Variants in RAB3C observed in about 807,000 individuals in gnomAD.
RAB3C encodes the protein RAB3C, member RAS oncogene family.
RAB3C carries 17 observed loss-of-function variants against 26.4 expected under a neutral mutation model. The observed-to-expected ratio is 0.64, with a 90% confidence interval of 0.44 to 0.97. The LOEUF (loss-of-function observed/expected upper bound fraction) is 0.97, where lower values mean the gene tolerates loss of function less well. RAB3C is among the 50% of genes least tolerant of loss of function. The probability of loss-of-function intolerance (pLI) is 0.00; values close to 1 mark genes in which losing one functional copy is unlikely to be tolerated. For synonymous variants in RAB3C, 91 were observed against 95.9 expected, an observed-to-expected ratio of 0.95 and a Z score of 0.30; for missense variants, 242 against 281.9, an observed-to-expected ratio of 0.86 and a Z score of 1.01.
chr5:58,765,619 G>A (rs939596069), intron 3 of RAB3C, among the ~76,000 whole-genome samples: 2 of 152,120 alleles, frequency 1.3e-5, no homozygotes, highest in African/African-American at 4.8e-5. Flanking sequence ...ATATTGTTAT[G>A]AAAGTTATAT....
Position 58,583,107 on chromosome 5 carries a change from A to G in RAB3C, c.-102A>G, listed in dbSNP as rs1198555619. 1 of 1,592,204 alleles carries G rather than the reference A, an allele frequency of 6.3e-7. No individual in the cohort carries two copies. Among genetic ancestry groups the G allele is most frequent in the African/African-American group, 1.3e-5 (1 of 74,446 alleles). ...ATGTTGGAGCCGGTTAGCGAACCCC[A>G]AGAGTGCAGAGTGTGGAGCGTGGAG... On this transcript the variant is annotated 5_prime_UTR_variant, in exon 1 of 5. Transcript: ENST00000282878.
At chr5:58,758,461 T>C (rs1388641995) in intron 3 of RAB3C, among the ~76,000 whole-genome samples, 1 of 152,180 alleles carries the variant, frequency 6.6e-6, no homozygotes, top group Non-Finnish European at 1.5e-5. Context: ...TTATGTGTTA[T>C]GTACAGAGAT....
At chr5:58,777,360 G>A (rs1445171658) in intron 3 of RAB3C, among the ~76,000 whole-genome samples, 1 of 152,116 alleles carries the variant, frequency 6.6e-6, no homozygotes, top group Non-Finnish European at 1.5e-5. Flanking sequence ...GTGTATGCCA[G>A]GGTGTTCTGT....
intron 4 of RAB3C, among the ~76,000 whole-genome samples, chr5:58,825,614 T>A (rs767710418): frequency 6.6e-5 from 10 of 152,230 alleles, no homozygotes; most frequent in Non-Finnish European, 1.0e-4. Flanking sequence ...GCCATGTTAC[T>A]GTTACAAATC....
At chr5:58,820,177 A>G (rs1482467558) in intron 3 of RAB3C, among the ~76,000 whole-genome samples, 1 of 151,798 alleles carries the variant, frequency 6.6e-6, no homozygotes, top group African/African-American at 2.4e-5. Context: ...CAGATCTTGT[A>G]TGTTAACCTA....
intron 3 of RAB3C, among the ~76,000 whole-genome samples, chr5:58,739,027 G>C (rs172398): frequency 6.6e-6 from 1 of 151,918 alleles, no homozygotes; most frequent in Non-Finnish European, 1.5e-5. Flanking sequence ...GGGTTTTGGT[G>C]GGCATTATAA....
At chr5:58,786,214 A>G (rs1488263943) in intron 3 of RAB3C, among the ~76,000 whole-genome samples, 1 of 152,244 alleles carries the variant, frequency 6.6e-6, no homozygotes, top group African/African-American at 2.4e-5. Flanking sequence ...TTCATTGTTC[A>G]TTAAGCCAGT....
intron 2 of RAB3C, among the ~76,000 whole-genome samples, chr5:58,628,138 C>T (rs951877145): frequency 1.1e-5 from 1 of 87,768 alleles, no homozygotes; most frequent in African/African-American, 4.7e-5. Context: ...GCCTGGGCGA[C>T]AAGGCAAGAC....
At chr5:58,693,353 T>TATATATATATAC (rs911414778) in intron 2 of RAB3C, among the ~76,000 whole-genome samples, 2 of 142,292 alleles carry the variant, frequency 1.4e-5, no homozygotes, top group African/African-American at 5.4e-5. Context: ...TATATATATA[T>TATATATATATAC]ATATATATAA....
chr5:58,835,572 A>C (rs1256716537), intron 4 of RAB3C, among the ~76,000 whole-genome samples: 1 of 152,168 alleles, frequency 6.6e-6, no homozygotes, highest in Non-Finnish European at 1.5e-5. Flanking sequence ...TTTGGCTCAG[A>C]ACTTCACCTT....
At chr5:58,650,082 A>G (rs1747611362) in intron 2 of RAB3C, among the ~76,000 whole-genome samples, 1 of 152,236 alleles carries the variant, frequency 6.6e-6, no homozygotes, top group South Asian at 2.1e-4. Flanking sequence ...TCTGACCATT[A>G]CAAACTGAAA....
intron 4 of RAB3C, among the ~76,000 whole-genome samples, chr5:58,838,849 C>T (rs1743807942): frequency 6.6e-6 from 1 of 152,160 alleles, no homozygotes; most frequent in Non-Finnish European, 1.5e-5. Context: ...TTTCCCTTTA[C>T]ATCTAATACT....
At chr5:58,618,648 A>G (rs1195773077) in intron 2 of RAB3C, among the ~76,000 whole-genome samples, 2 of 152,134 alleles carry the variant, frequency 1.3e-5, no homozygotes, top group Non-Finnish European at 1.5e-5. Flanking sequence ...CCAAGGCAAT[A>G]TAAAAGATGG....
intron 2 of RAB3C, among the ~76,000 whole-genome samples, chr5:58,685,207 GA>G (rs1748419527): frequency 6.6e-6 from 1 of 152,038 alleles, no homozygotes; most frequent in Non-Finnish European, 1.5e-5. Context: ...GGGAGTCTTG[GA>G]ACATATTTCC....
At chr5:58,650,753 A>T (rs1459643713) in intron 2 of RAB3C, among the ~76,000 whole-genome samples, 1 of 152,206 alleles carries the variant, frequency 6.6e-6, no homozygotes, top group Non-Finnish European at 1.5e-5. Context: ...GGCTTTTAAC[A>T]GCCATGATTC....
intron 3 of RAB3C, among the ~76,000 whole-genome samples, chr5:58,738,525 C>A (rs1162617422): frequency 6.9e-6 from 1 of 145,146 alleles, no homozygotes; most frequent in East Asian, 2.2e-4. Context: ...TAGAGAGAGA[C>A]ACTTGTCCTC....
intron 2 of RAB3C, among the ~76,000 whole-genome samples, chr5:58,700,255 C>G (rs190781009): frequency 6.6e-5 from 10 of 152,294 alleles, no homozygotes; most frequent in African/African-American, 2.2e-4. Flanking sequence ...CTTTAAAAGA[C>G]AAAAGCAGTG....
chr5:58,844,486 C>A (rs1038912939), intron 4 of RAB3C, among the ~76,000 whole-genome samples: 1 of 152,208 alleles, frequency 6.6e-6, no homozygotes, highest in Non-Finnish European at 1.5e-5. Flanking sequence ...CACTTCTCTT[C>A]CTAAAGCCTG....
chr5:58,774,062 T>A (rs997600092), intron 3 of RAB3C, among the ~76,000 whole-genome samples: 1 of 152,172 alleles, frequency 6.6e-6, no homozygotes, highest in Non-Finnish European at 1.5e-5. Context: ...TCTCAGCTAC[T>A]GGCCTTGCTC....
Sources: gnomAD v4.1 joint callset for allele counts (sites outside exome capture counted in the v4.1 genomes callset) on GRCh38, gnomAD v4.1.1 for gene constraint, MANE v1.5 for transcripts, NCBI Gene and HGNC (gene_info 2026-07-23, HGNC 2026-07-21) for gene names.